DIPK1A: variants seen among roughly 807,000 people sequenced by gnomAD.
The protein encoded by DIPK1A is family with sequence similarity 69 member A.
A neutral mutation model predicts 40.8 loss-of-function variants in DIPK1A; 27 were observed. That is an observed-to-expected ratio of 0.66 (90% CI 0.49 to 0.91). The LOEUF is 0.91. Ranked by LOEUF, DIPK1A falls within the 40% of genes least tolerant of loss-of-function variation. DIPK1A has a pLI of 0.00. For missense variants in DIPK1A, 412 were observed against 505.7 expected, an observed-to-expected ratio of 0.81 and a Z score of 1.78; for synonymous variants, 166 against 171.3, an observed-to-expected ratio of 0.97 and a Z score of 0.24.
chr1:92,853,928 C>T (rs1687902939), intron 2 of DIPK1A, among the ~76,000 whole-genome samples: 2 of 152,142 alleles, frequency 1.3e-5, no homozygotes, highest in Admixed American at 6.5e-5. Flanking sequence ...ACTCTGTTGC[C>T]CAGACTGGAG....
intron 1 of DIPK1A, among the ~76,000 whole-genome samples, chr1:92,905,873 A>G (rs971356610): frequency 1.3e-5 from 2 of 152,128 alleles, no homozygotes; most frequent in Non-Finnish European, 2.9e-5. Flanking sequence ...CATTTATTGA[A>G]GACACTGTCC....
intron 1 of DIPK1A, among the ~76,000 whole-genome samples, chr1:92,915,732 A>G (rs1650028230): frequency 6.6e-6 from 1 of 152,226 alleles, no homozygotes; most frequent in South Asian, 2.1e-4. Context: ...AAAGGTAAAC[A>G]TAGGCTTACA....
At chr1:92,894,993 G>C (rs1410266597) in intron 1 of DIPK1A, among the ~76,000 whole-genome samples, 1 of 152,090 alleles carries the variant, frequency 6.6e-6, no homozygotes, top group Non-Finnish European at 1.5e-5. Flanking sequence ...AACAGGCTCT[G>C]AAATTGAGGC....
intron 1 of DIPK1A, among the ~76,000 whole-genome samples, chr1:92,897,652 A>G (rs1346907540): frequency 2.4e-5 from 2 of 84,222 alleles, no homozygotes; most frequent in Admixed American, 2.4e-4. Context: ...AACTTAAAGT[A>G]TAATAAAAAA....
chr1:92,941,796 C>G (rs932543467), intron 1 of DIPK1A, among the ~76,000 whole-genome samples: 1 of 152,140 alleles, frequency 6.6e-6, no homozygotes, highest in African/African-American at 2.4e-5. Context: ...ATTCCCTTAA[C>G]TATCCACACT....
chr1:92,899,323 T>A (rs1337586439), intron 1 of DIPK1A, among the ~76,000 whole-genome samples: 3 of 152,202 alleles, frequency 2.0e-5, no homozygotes, highest in African/African-American at 7.2e-5. Context: ...CTTTGTATAG[T>A]TTTTGACTTA....
chr1:92,924,211 T>C (rs1181632531), intron 1 of DIPK1A, among the ~76,000 whole-genome samples: 1 of 152,224 alleles, frequency 6.6e-6, no homozygotes. Flanking sequence ...TTTGTTAAAT[T>C]TACTTATTGT....
At chr1:92,956,541 C>A (rs1651862250) in intron 1 of DIPK1A, among the ~76,000 whole-genome samples, 1 of 152,122 alleles carries the variant, frequency 6.6e-6, no homozygotes, top group African/African-American at 2.4e-5. Context: ...TCTAATTATC[C>A]TTAGATTTAA....
chr1:92,858,943 GA>G (rs895965868), intron 2 of DIPK1A, among the ~76,000 whole-genome samples: 1 of 152,160 alleles, frequency 6.6e-6, no homozygotes, highest in Admixed American at 6.6e-5. Flanking sequence ...GATGATCAGC[GA>G]AAACATCAAA....
chr1:92,899,319 A>G (rs896573912), intron 1 of DIPK1A, among the ~76,000 whole-genome samples: 1 of 152,090 alleles, frequency 6.6e-6, no homozygotes, highest in Non-Finnish European at 1.5e-5. Flanking sequence ...GCCTCTTTGT[A>G]TAGTTTTTGA....
chr1:92,898,560 G>A (rs1339906458), intron 1 of DIPK1A, among the ~76,000 whole-genome samples: 1 of 152,140 alleles, frequency 6.6e-6, no homozygotes, highest in Non-Finnish European at 1.5e-5. Flanking sequence ...CTGCAGCCTT[G>A]AACTACTGGG....
At chr1:92,857,327 T>G (rs962587451) in intron 2 of DIPK1A, among the ~76,000 whole-genome samples, 2 of 151,906 alleles carry the variant, frequency 1.3e-5, no homozygotes, top group Admixed American at 6.6e-5. Flanking sequence ...ATTGTTTTTT[T>G]TTTTTTTTTC....
intron 1 of DIPK1A, among the ~76,000 whole-genome samples, chr1:92,884,171 A>T (rs1648499229): frequency 6.6e-6 from 1 of 152,174 alleles, no homozygotes; most frequent in Non-Finnish European, 1.5e-5. Context: ...ATTGTTCATG[A>T]TATTAAGAGC....
At chr1:92,847,454 A>G in intron 3 of DIPK1A, 95 bp from the exon 4 acceptor site, 1 of 680,006 alleles carries the variant, frequency 1.5e-6, no homozygotes, top group Non-Finnish European at 2.2e-6. Flanking sequence ...CCTCTGAACA[A>G]AACAAAACAA....
chr1:92,837,704 C>A, downstream of DIPK1A: 1 of 1,288,116 alleles, frequency 7.8e-7, no homozygotes, highest in Non-Finnish European at 1.1e-6. Flanking sequence ...GTTTTGGGGG[C>A]AGGTAACATT....
Position 92,843,589 on chromosome 1 carries a change from G to C in DIPK1A, c.1081C>G (p.Pro361Ala). The change falls in exon 5 of 5, where the codon CCA (proline) becomes GCA (alanine). Residue 361 changes from proline to alanine, a missense_variant. Pro to Ala is a conservative substitution (Grantham distance 27, BLOSUM62 -1). Coordinates refer to ENST00000370310, the MANE Select transcript of DIPK1A (RefSeq NM_001006605.5). ...TMKCTSEVIQ[P>A]NLAKACQLLK... ...AACTGACAAGCTTTTGCCAAGTTTG[G>C]TTGTATCACTTCTGAAGTACACTTC... is the stretch of plus-strand genomic sequence containing the variant. 2 of 1,551,968 alleles carry C rather than the reference G, an allele frequency of 1.3e-6. No individual in the cohort carries two copies. Among genetic ancestry groups the C allele is most frequent in the Non-Finnish European group, 1.7e-6 (2 of 1,147,052 alleles).
At chr1:92,861,619 G>A (rs778590460) in intron 2 of DIPK1A, among the ~76,000 whole-genome samples, 3 of 151,216 alleles carry the variant, frequency 2.0e-5, no homozygotes, top group African/African-American at 4.9e-5. Context: ...GAGCTGCTGC[G>A]CTCAGCCAAT....
intron 1 of DIPK1A, among the ~76,000 whole-genome samples, chr1:92,923,757 T>C (rs890061104): frequency 2.6e-5 from 4 of 152,330 alleles, no homozygotes; most frequent in Middle Eastern, 3.4e-3. Flanking sequence ...TACAGCTGCA[T>C]AGTTGATGAG....
At chr1:92,900,237 C>G (rs1426782090) in intron 1 of DIPK1A, among the ~76,000 whole-genome samples, 1 of 152,140 alleles carries the variant, frequency 6.6e-6, no homozygotes, top group Non-Finnish European at 1.5e-5. Context: ...TCTGAACTCC[C>G]ATAAGACAAA....
Sources: gnomAD v4.1 joint callset for allele counts (sites outside exome capture counted in the v4.1 genomes callset) on GRCh38, gnomAD v4.1.1 for gene constraint, MANE v1.5 for transcripts, NCBI Gene and HGNC (gene_info 2026-07-23, HGNC 2026-07-21) for gene names.